The following URB2 variants were observed in gnomAD, a reference collection of about 807,000 sequenced individuals.
URB2 encodes unhealthy ribosome biogenesis protein 2 homolog.
A neutral mutation model predicts 120.9 loss-of-function variants in URB2; 86 were observed. That is an observed-to-expected ratio of 0.71 (90% CI 0.60 to 0.85). The LOEUF is 0.85. Ranked by LOEUF, URB2 falls within the 40% of genes least tolerant of loss-of-function variation. URB2 has a pLI of 0.00. For missense variants in URB2, 1,765 were observed against 1,836.5 expected (o/e 0.96, Z 0.71); for synonymous variants, 755 against 758.4 (o/e 1.00, Z 0.07).
At chr1:229,630,982 CAAAAAAAAAAA>C (rs57940336) in intron 2 of URB2, among the ~76,000 whole-genome samples, 3 of 65,108 alleles carry the variant, frequency 4.6e-5, no homozygotes, top group Non-Finnish European at 8.3e-5. Flanking sequence ...AACTCCGTCT[CAAAAAAAAAAA>C]AAAAAAAAAA....
chr1:229,632,286 A>G lies in URB2; in HGVS notation c.144A>G (p.Ala48=). 6.4e-7 allele frequency: 1 copy of G among 1,568,378 alleles called. No individual in the cohort carries two copies. Among genetic ancestry groups the G allele is most frequent in the Non-Finnish European group, 8.6e-7 (1 of 1,165,344 alleles). ...PNKEQVLLDW[A]RQSLVAFYKK... is the part of the protein sequence containing the mutation. ...AAATTCAGGTGTTACTTGATTGGGC[A>G]AGACAATCATTGGTTGCATTTTATA... The change falls in exon 3 of 10, where the codon GCA becomes GCG. Residue 48 remains alanine (A), a synonymous_variant. Transcript: ENST00000258243.
chr1:229,659,006 T>G, intron 9 of URB2, 94 bp from the exon 10 acceptor site: 1 of 1,266,580 alleles, frequency 7.9e-7, no homozygotes, highest in Admixed American at 2.2e-5. Flanking sequence ...CAGTTTGAAA[T>G]TACTTGTTAG....
In URB2 at chr1:229,637,785, G is replaced by C. The variant is rs1445230558; in HGVS notation, c.3172G>C (p.Val1058Leu). Residue 1058 changes from valine to leucine, a missense_variant, in exon 4 of 10, where the codon GTG (valine) becomes CTG (leucine). Coordinates refer to ENST00000258243, the MANE Select transcript of URB2 (RefSeq NM_014777.4). ...QNPQGRQLLLVSLTRLCHVLG... is the reference protein window; with the variant it reads ...QNPQGRQLLLLSLTRLCHVLG... ...CCCCCAGGGCAGGCAGCTCCTTCTG[G>C]TGTCTTTAACCAGGTTGTGCCATGT... The C allele has an allele frequency of 2.5e-6, 4 of 1,614,000 alleles. No homozygotes were observed. Among genetic ancestry groups the C allele is most frequent in the Non-Finnish European group, 3.4e-6 (4 of 1,180,004 alleles).
Position 229,636,321 on chromosome 1 carries a change from T to C in URB2, c.1708T>C (p.Cys570Arg), listed in dbSNP as rs751944625. The C allele has an allele frequency of 1.2e-6, 2 of 1,614,212 alleles. No homozygotes were observed. The highest frequency in any genetic ancestry group is 1.7e-6 in the Non-Finnish European group (2 of 1,180,026). The change falls in exon 4 of 10, where the codon TGC becomes CGC. Residue 570 changes from cysteine (C) to arginine (R), a missense_variant. Transcript: ENST00000258243. ...TCTGCCCATTGTCAGACGGACACAG[T>C]GCATGATGGAGAGGATGATGAGGGA... The part of the protein sequence containing the change: ...TPLPIVRRTQ[C>R]MMERMMRELV...
chr1:229,648,497 C>T (rs1466849906), intron 7 of URB2, among the ~76,000 whole-genome samples: 2 of 152,154 alleles, frequency 1.3e-5, no homozygotes, highest in African/African-American at 4.8e-5. Flanking sequence ...ATAGTATGCT[C>T]CTTTTTAAGT....
At chr1:229,648,805 C>T (rs1446442879) in intron 7 of URB2, among the ~76,000 whole-genome samples, 2 of 152,224 alleles carry the variant, frequency 1.3e-5, no homozygotes, top group African/African-American at 4.8e-5. Context: ...GTTAATGCAT[C>T]GCTTAATGAC....
In URB2 at chr1:229,635,985, C is replaced by T. The variant is rs193921013; in HGVS notation, c.1372C>T (p.Gln458Ter). The T allele has an allele frequency of 1.2e-6, 2 of 1,613,922 alleles. No homozygotes were observed. The highest frequency in any genetic ancestry group is 2.7e-5 in the African/African-American group (2 of 74,932). Residue 458 changes from glutamine to a stop codon, truncating the protein, a stop_gained, in exon 4 of 10, where the codon CAG becomes TAG. Coordinates refer to ENST00000258243, the MANE Select transcript of URB2 (RefSeq NM_014777.4). LOFTEE classifies it high-confidence loss of function. ...AQEALIRTVF[Q>*]TYAKLRQVPR... The stretch of plus-strand genomic sequence containing the variant: ...GGAGGCGCTTATTCGTACTGTCTTC[C>T]AGACTTATGCCAAACTCCGACAAGT...
At chr1:229,640,837 C>T (rs1368795461) in intron 4 of URB2, among the ~76,000 whole-genome samples, 1 of 150,042 alleles carries the variant, frequency 6.7e-6, no homozygotes, top group Non-Finnish European at 1.5e-5. Flanking sequence ...ATGGTGTTCA[C>T]CTTCTTAATG....
Position 229,659,470 on chromosome 1 carries a change from T to G in URB2, c.*173T>G, listed in dbSNP as rs1666473988. ...TGATGTATTTTACATCGTGTTTTTC[T>G]TACTATTTTTTAATACATAGTTTTA... On this transcript the variant is annotated 3_prime_UTR_variant, in exon 10 of 10. Coordinates refer to ENST00000258243, the MANE Select transcript of URB2 (RefSeq NM_014777.4). 1.6e-6 allele frequency: 1 copy of G among 619,178 alleles called. No homozygotes were observed. Among genetic ancestry groups the G allele is most frequent in the Non-Finnish European group, 2.6e-6 (1 of 385,212 alleles). The allele number at this position is 619,178 out of a possible 1,614,324, so 38.4% of individuals were successfully genotyped here. A position where few individuals can be genotyped will look rare whatever the true frequency, so the allele number is the denominator to read the frequency against.
At chr1:229,645,066 A>C (rs1321721436) in intron 5 of URB2, among the ~76,000 whole-genome samples, 2 of 152,144 alleles carry the variant, frequency 1.3e-5, no homozygotes, top group African/African-American at 4.8e-5. Context: ...TGGGTGGATT[A>C]TATGAGGTCA....
At chr1:229,655,993 G>A (rs936143178) in intron 9 of URB2, among the ~76,000 whole-genome samples, 5 of 152,226 alleles carry the variant, frequency 3.3e-5, no homozygotes, top group Non-Finnish European at 7.3e-5. Flanking sequence ...TGCCTGTCCT[G>A]TGGGTGGGGA....
At chr1:229,639,163 C>T (rs1172804330) in intron 4 of URB2, among the ~76,000 whole-genome samples, 1 of 152,024 alleles carries the variant, frequency 6.6e-6, no homozygotes, top group Non-Finnish European at 1.5e-5. Flanking sequence ...GGCATGGTGG[C>T]ATGCGTCTGT....
At chr1:229,651,194 A>G (rs765838345) in intron 7 of URB2, 41 bp from the exon 8 acceptor site, 2 of 1,536,634 alleles carry the variant, frequency 1.3e-6, no homozygotes, top group Non-Finnish European at 1.8e-6. Context: ...AACTTAAATA[A>G]TCACGTATGT....
chr1:229,645,853 C>G lies in URB2; in HGVS notation c.3796-6C>G, dbSNP rs760795388. The G allele has an allele frequency of 8.1e-6, 13 of 1,613,398 alleles. No individual in the cohort carries two copies. Among genetic ancestry groups the G allele is most frequent in the African/African-American group, 8.0e-5 (6 of 74,880 alleles). ...CTGCCGCTAAGTTTTTTCTCTCTTG[C>G]CCCAGGCTGTTGTGTCAGCTGTTAC... is the stretch of plus-strand genomic sequence containing the variant. On this transcript the variant is annotated splice_region_variant and splice_polypyrimidine_tract_variant and intron_variant, in intron 5 of 9. Coordinates refer to ENST00000258243, the MANE Select transcript of URB2 (RefSeq NM_014777.4).
At position 229,632,458 on chromosome 1, in the gene URB2, T is replaced by C. The variant is rs1665695306; in HGVS notation, c.303+13T>C. On this transcript the variant is annotated intron_variant, in intron 3 of 9. Coordinates refer to ENST00000258243, the MANE Select transcript of URB2 (RefSeq NM_014777.4). Reference sequence around the variant, plus strand: ...TTCCCTAGTCAAGGTAATTCACTTTTCTGTTCTGTATGTGTTGCATGCATC... The same window carrying C: ...TTCCCTAGTCAAGGTAATTCACTTTCCTGTTCTGTATGTGTTGCATGCATC... 6.5e-7 allele frequency: 1 copy of C among 1,545,136 alleles called. No individual in the cohort carries two copies. The highest frequency in any genetic ancestry group is 2.3e-5 in the Admixed American group (1 of 42,970).
intron 5 of URB2, among the ~76,000 whole-genome samples, chr1:229,645,286 G>GAAA (rs11404382): frequency 9.7e-5 from 14 of 144,344 alleles, no homozygotes; most frequent in Admixed American, 2.0e-4. Context: ...ACTCGGTCTC[G>GAAA]AAAAAAAAAA....
intron 4 of URB2, among the ~76,000 whole-genome samples, chr1:229,641,857 A>G (rs1558167823): frequency 6.6e-6 from 1 of 152,014 alleles, no homozygotes; most frequent in African/African-American, 2.4e-5. Context: ...CCCCATCTCT[A>G]CAAAAAGCCG....
At chr1:229,644,603 G>C (rs1039732237) in intron 5 of URB2, among the ~76,000 whole-genome samples, 1 of 152,198 alleles carries the variant, frequency 6.6e-6, no homozygotes, top group Non-Finnish European at 1.5e-5. Flanking sequence ...GTGGTGCCAG[G>C]GGGGCAGGCC....
chr1:229,628,527 G>A (rs902236997), intron 2 of URB2, among the ~76,000 whole-genome samples: 5 of 152,154 alleles, frequency 3.3e-5, no homozygotes, highest in Non-Finnish European at 7.3e-5. Context: ...TTAAGTTACA[G>A]AAGTTAGGTT....
Sources: gnomAD v4.1 joint callset for allele counts (sites outside exome capture counted in the v4.1 genomes callset) on GRCh38, gnomAD v4.1.1 for gene constraint, MANE v1.5 for transcripts, NCBI Gene and HGNC (gene_info 2026-07-23, HGNC 2026-07-21) for gene names.